SCNN1D: variants seen among roughly 807,000 people sequenced by gnomAD.
The protein encoded by SCNN1D is sodium channel epithelial 1 subunit delta.
In SCNN1D, 104 loss-of-function variants were observed where a neutral mutation model predicts 87.8. The observed-to-expected ratio is 1.18, with a 90% CI of 1.01 to 1.39. The LOEUF is 1.39. SCNN1D is among the 40% of genes most tolerant of loss of function. The pLI, the probability that SCNN1D is intolerant of heterozygous loss-of-function variation, is 0.00. For synonymous variants in SCNN1D, 628 were observed against 481.2 expected (o/e 1.31, Z -3.99); for missense variants, 1,324 against 1,093.9 (o/e 1.21, Z -2.97).
chr1:1,288,035 CA>C lies in SCNN1D; in HGVS notation c.1661del (p.Gln554ArgfsTer11). 1 of 1,505,014 alleles carries C rather than the reference CA, an allele frequency of 6.6e-7. No homozygotes were observed. The highest frequency in any genetic ancestry group is 2.1e-5 in the Admixed American group (1 of 48,444). The allele number at this position is 1,505,014 out of a possible 1,614,324, so 93.2% of individuals were successfully genotyped here. ...GCTACACAACACCTCCTACACCAGG[CA>C]GGTGAGGCTGGGCTGGCAGGGGGTG... Reference protein sequence around the residue: ...ELLHNTSYTRQACLVSCFQQL... With the variant: ...ELLHNTSYTRXACLVSCFQQL... On this transcript the variant is annotated frameshift_variant and splice_region_variant, in exon 12 of 18. Coordinates refer to ENST00000379116, the MANE Select transcript of SCNN1D (RefSeq NM_001130413.4). LOFTEE classifies it high-confidence loss of function.
Position 1,281,393 on chromosome 1 carries a change from G to A in SCNN1D, c.78-18G>A, listed in dbSNP as rs1181424804. 2.6e-5 allele frequency: 39 copies of A among 1,526,198 alleles called. No individual in the cohort carries two copies. The highest frequency in any genetic ancestry group is 1.5e-4 in the East Asian group (6 of 40,746). 94.5% of individuals were successfully genotyped at this position (1,526,198 alleles called of 1,614,324 possible). A position where few individuals can be genotyped will look rare whatever the true frequency, so the allele number is the denominator to read the frequency against. On this transcript the variant is annotated intron_variant, in intron 2 of 17. Coordinates refer to ENST00000379116, the MANE Select transcript of SCNN1D (RefSeq NM_001130413.4). ...CAAAGGGAGCCAGGGATGCCTGCCC[G>A]TCCCTTCTCTCATTCAGGCTCACCT...
At chr1:1,291,226 G>T (rs6689898) in intron 17 of SCNN1D, 28 bp from the exon 18 acceptor site, 2 of 1,567,240 alleles carry the variant, frequency 1.3e-6, no homozygotes, top group East Asian at 4.7e-5. Context: ...GCCTGGGCCC[G>T]CCCCTCACAC....
In SCNN1D at chr1:1,287,675, G is replaced by A. The variant is rs750713423; in HGVS notation, c.1402G>A (p.Val468Ile). ...CACACCAGCCCTTGGCCTCCCAGGAGTCGGCCTGGTCCTCAGGGTTGAGCA... is the reference window on the plus strand; with the variant it reads ...CACACCAGCCCTTGGCCTCCCAGGAATCGGCCTGGTCCTCAGGGTTGAGCA... ...TAQRPGITHG[V>I]GLVLRVEQQP... is the part of the protein sequence containing the mutation. The change falls in exon 11 of 18, where the codon GTC (valine) becomes ATC (isoleucine). Residue 468 changes from valine to isoleucine, a missense_variant and splice_region_variant. Coordinates refer to ENST00000379116, the MANE Select transcript of SCNN1D (RefSeq NM_001130413.4). 8 of 1,611,816 alleles carry A rather than the reference G, an allele frequency of 5.0e-6. No individual in the cohort carries two copies. The highest frequency in any genetic ancestry group is 1.1e-5 in the South Asian group (1 of 90,992).
At chr1:1,287,047 C>T (rs1640608293) in intron 8 of SCNN1D, 62 bp from the exon 9 acceptor site, 12 of 1,578,314 alleles carry the variant, frequency 7.6e-6, no homozygotes, top group Non-Finnish European at 1.0e-5. Flanking sequence ...CTGCTGGTAC[C>T]TCGAGTGGGG....
chr1:1,284,088 C>T lies in SCNN1D; in HGVS notation c.462C>T (p.Ser154=). 1.6e-6 allele frequency: 1 copy of T among 639,878 alleles called. No homozygotes were observed. Among genetic ancestry groups the T allele is most frequent in the South Asian group, 6.0e-5 (1 of 16,552 alleles). 39.6% of individuals were successfully genotyped at this position (639,878 alleles called of 1,614,324 possible). ...AGCCACACGGGGGGGCTCTCACCTC[C>T]AGGTACCGTGGGGGGGGGTGAGGGG... is the stretch of plus-strand genomic sequence containing the variant. ...WKQPHGGALT[S]RSPGPVAPQR... is the part of the protein sequence containing the mutation. Residue 154 remains serine (S), a splice_region_variant and synonymous_variant, in exon 5 of 18, where the codon TCC becomes TCT. Coordinates refer to ENST00000379116, the MANE Select transcript of SCNN1D (RefSeq NM_001130413.4).
In SCNN1D at chr1:1,291,801, G is replaced by A. The variant is rs1384195223; in HGVS notation, c.*191G>A. 2.1e-5 allele frequency: 10 copies of A among 476,166 alleles called. No homozygotes were observed. Among genetic ancestry groups the A allele is most frequent in the Non-Finnish European group, 3.3e-5 (9 of 273,462 alleles). The allele number at this position is 476,166 out of a possible 1,614,324, so 29.5% of individuals were successfully genotyped here. On this transcript the variant is annotated 3_prime_UTR_variant, in exon 18 of 18. Coordinates refer to ENST00000379116, the MANE Select transcript of SCNN1D (RefSeq NM_001130413.4). ...CTACACTGCCTGGGGTGGGTCTCAAGGAGGCCCGGGGCGGAGGGGGGTTCC... is the reference window on the plus strand; with the variant it reads ...CTACACTGCCTGGGGTGGGTCTCAAAGAGGCCCGGGGCGGAGGGGGGTTCC...
rs1570616984 is a variant in SCNN1D, at chr1:1,291,808, C to T, written c.*198C>T. 8.7e-6 allele frequency: 4 copies of T among 460,174 alleles called. No individual in the cohort carries two copies. The East Asian group carries it at 9.9e-5, about 11-fold the overall frequency. 28.5% of individuals were successfully genotyped at this position (460,174 alleles called of 1,614,324 possible). On this transcript the variant is annotated 3_prime_UTR_variant, in exon 18 of 18. Coordinates refer to ENST00000379116, the MANE Select transcript of SCNN1D (RefSeq NM_001130413.4). ...GCCTGGGGTGGGTCTCAAGGAGGCCCGGGGCGGAGGGGGGTTCCCGCGTGC... is the reference window on the plus strand; with the variant it reads ...GCCTGGGGTGGGTCTCAAGGAGGCCTGGGGCGGAGGGGGGTTCCCGCGTGC...
chr1:1,287,630 G>T, intron 10 of SCNN1D, 34 bp downstream of exon 10: 1 of 1,611,012 alleles, frequency 6.2e-7, no homozygotes. Flanking sequence ...GCGGGGGCAG[G>T]GGTGCAGGTC....
chr1:1,291,542 G>T lies in SCNN1D; in HGVS notation c.2341G>T (p.Val781Phe). 6.3e-7 allele frequency: 1 copy of T among 1,597,140 alleles called. No homozygotes were observed. Among genetic ancestry groups the T allele is most frequent in the Non-Finnish European group, 8.6e-7 (1 of 1,169,208 alleles). Residue 781 changes from valine (V) to phenylalanine (F), a missense_variant, in exon 18 of 18, where the codon GTT becomes TTT. Physicochemically the swap from Val to Phe is conservative, Grantham distance 50 (BLOSUM62 -1). Coordinates refer to ENST00000379116, the MANE Select transcript of SCNN1D (RefSeq NM_001130413.4). ...TCTCCCACGGGTGATGCTTCCAGGGGTTCTGGCGGGAGTCTCAGCCGAAGA... is the reference window on the plus strand; with the variant it reads ...TCTCCCACGGGTGATGCTTCCAGGGTTTCTGGCGGGAGTCTCAGCCGAAGA... ...PHLPRVMLPG[V>F]LAGVSAEESW...
Position 1,287,707 on chromosome 1 carries a change from T to A in SCNN1D, c.1434T>A (p.Pro478=). The A allele has an allele frequency of 1.9e-6, 3 of 1,610,566 alleles. No homozygotes were observed. Among genetic ancestry groups the A allele is most frequent in the Non-Finnish European group, 2.5e-6 (3 of 1,178,996 alleles). The change falls in exon 11 of 18, where the codon CCT becomes CCA. Residue 478 remains proline, a synonymous_variant. Transcript: ENST00000379116. Reference sequence around the variant, plus strand: ...TGGTCCTCAGGGTTGAGCAGCAGCCTCACCTCCCTCTGCTGTCCACGCTGG... The same window carrying A: ...TGGTCCTCAGGGTTGAGCAGCAGCCACACCTCCCTCTGCTGTCCACGCTGG... ...VGLVLRVEQQ[P]HLPLLSTLAG...
chr1:1,282,816 G>T (rs983697719), intron 4 of SCNN1D, among the ~76,000 whole-genome samples: 6 of 151,030 alleles, frequency 4.0e-5, no homozygotes, highest in African/African-American at 1.5e-4. Flanking sequence ...GCAGTGGCAC[G>T]ATCTCGGCTC....
At chr1:1,282,208 C>T (rs1216578294) in intron 3 of SCNN1D, 34 bp from the exon 4 acceptor site, 2 of 1,228,160 alleles carry the variant, frequency 1.6e-6, no homozygotes, top group East Asian at 5.1e-5. Context: ...TCGGGAAGGC[C>T]ACACAGCCAG....
rs554566231 is a variant in SCNN1D, at chr1:1,291,232, C to G, written c.2053-22C>G. 348 of 1,562,206 alleles carry G rather than the reference C, an allele frequency of 2.2e-4. 1 individual carries two copies. The highest frequency in any genetic ancestry group is 2.9e-4 in the Non-Finnish European group (336 of 1,154,522). On this transcript the variant is annotated intron_variant, in intron 17 of 17. Transcript: ENST00000379116. ...GGCACGGGGGCCTGGGCCCGCCCCT[C>G]ACACCCGCACCCCACCCGCAGGTGC... is the stretch of plus-strand genomic sequence containing the variant.
In SCNN1D at chr1:1,287,570, C is replaced by T. The variant is rs1557583112; in HGVS notation, c.1373C>T (p.Thr458Ile). 2 of 1,583,552 alleles carry T rather than the reference C, an allele frequency of 1.3e-6. No individual in the cohort carries two copies. The highest frequency in any genetic ancestry group is 1.3e-5 in the African/African-American group (1 of 74,330). ...GSCYTVDGVW[T>I]AQRPGITHGV... ...TGCTACACGGTCGATGGCGTCTGGACAGCTCAGCGCCCCGGCATCACCCAC... is the reference window on the plus strand; with the variant it reads ...TGCTACACGGTCGATGGCGTCTGGATAGCTCAGCGCCCCGGCATCACCCAC... Residue 458 changes from threonine to isoleucine, a missense_variant, in exon 10 of 18, where the codon ACA becomes ATA. Transcript: ENST00000379116.
chr1:1,281,443 C>G lies in SCNN1D; in HGVS notation c.110C>G (p.Thr37Ser). The change falls in exon 3 of 18, where the codon ACC becomes AGC. Residue 37 changes from threonine (T) to serine (S), a missense_variant. By Grantham distance (58) the Thr-to-Ser change is moderately conservative. Transcript: ENST00000379116. ...LTWSWCSDHRTPTCRELGSPH... is the reference protein window; with the variant it reads ...LTWSWCSDHRSPTCRELGSPH... ...TGGTCATGGTGCAGTGACCACAGGA[C>G]CCCCACATGCCGGGAGCTGGGTTCG... is the stretch of plus-strand genomic sequence containing the variant. 1 of 1,519,228 alleles carries G rather than the reference C, an allele frequency of 6.6e-7. No homozygotes were observed. The highest frequency in any genetic ancestry group is 1.2e-5 in the South Asian group (1 of 81,138). The allele number at this position is 1,519,228 out of a possible 1,614,324, so 94.1% of individuals were successfully genotyped here. A position where few individuals can be genotyped will look rare whatever the true frequency, so the allele number is the denominator to read the frequency against.
At chr1:1,288,418 G>A (rs1461738605) in intron 12 of SCNN1D, among the ~76,000 whole-genome samples, 1 of 31,244 alleles carries the variant, frequency 3.2e-5, no homozygotes. Context: ...TCCCTGCTCC[G>A]TCCCGTGTCC....
At position 1,291,689 on chromosome 1, in the gene SCNN1D, G is replaced by C. The variant is rs1368965438; in HGVS notation, c.*79G>C. 11 of 1,160,746 alleles carry C rather than the reference G, an allele frequency of 9.5e-6. No individual in the cohort carries two copies. Among genetic ancestry groups the C allele is most frequent in the South Asian group, 1.6e-5 (1 of 60,686 alleles). The allele number at this position is 1,160,746 out of a possible 1,614,324, so 71.9% of individuals were successfully genotyped here. On this transcript the variant is annotated 3_prime_UTR_variant, in exon 18 of 18. Coordinates refer to ENST00000379116, the MANE Select transcript of SCNN1D (RefSeq NM_001130413.4). ...AGCAGCAGGCTCCCCAGCGGCCCAGGGTGGGCCAGACCAGCAGCCCAGGAA... is the reference window on the plus strand; with the variant it reads ...AGCAGCAGGCTCCCCAGCGGCCCAGCGTGGGCCAGACCAGCAGCCCAGGAA...
At position 1,287,606 on chromosome 1, in the gene SCNN1D, A is replaced by T; in HGVS notation, c.1399+10A>T. On this transcript the variant is annotated intron_variant, in intron 10 of 17. Coordinates refer to ENST00000379116, the MANE Select transcript of SCNN1D (RefSeq NM_001130413.4). Reference sequence around the variant, plus strand: ...CCCGGCATCACCCACGGTGGGTGCCAGCCCCTGGCCGGTGCGGGGGCAGGG... The same window carrying T: ...CCCGGCATCACCCACGGTGGGTGCCTGCCCCTGGCCGGTGCGGGGGCAGGG... The T allele has an allele frequency of 6.2e-7, 1 of 1,606,348 alleles. No individual in the cohort carries two copies. Among genetic ancestry groups the T allele is most frequent in the Non-Finnish European group, 8.5e-7 (1 of 1,175,752 alleles).
chr1:1,290,265 C>G lies in SCNN1D; in HGVS notation c.1663-6C>G. Reference sequence around the variant, plus strand: ...CCATGTCCCTGCTCATCCCCCCTGTCCCCAGGCCTGCCTGGTGTCCTGCTT... The same window carrying G: ...CCATGTCCCTGCTCATCCCCCCTGTGCCCAGGCCTGCCTGGTGTCCTGCTT... On this transcript the variant is annotated splice_region_variant and splice_polypyrimidine_tract_variant and intron_variant, in intron 12 of 17. Transcript: ENST00000379116. 6.4e-7 allele frequency: 1 copy of G among 1,556,130 alleles called. No homozygotes were observed. Among genetic ancestry groups the G allele is most frequent in the Non-Finnish European group, 8.7e-7 (1 of 1,149,552 alleles).
Sources: gnomAD v4.1 joint callset for allele counts (sites outside exome capture counted in the v4.1 genomes callset) on GRCh38, gnomAD v4.1.1 for gene constraint, MANE v1.5 for transcripts, NCBI Gene and HGNC (gene_info 2026-07-23, HGNC 2026-07-21) for gene names.